Variants in U2SURP observed in about 807,000 individuals in gnomAD.
U2SURP encodes the protein U2 snRNP-associated SURP motif-containing protein.
Under a neutral mutation model 144.9 loss-of-function variants are expected in U2SURP, and 9 were observed. The ratio of observed to expected loss-of-function variants is 0.06; its 90% confidence interval spans 0.04 to 0.11. The LOEUF (loss-of-function observed/expected upper bound fraction) is 0.11, where lower values mean the gene tolerates loss of function less well. Ranked by LOEUF, U2SURP falls within the 10% of genes least tolerant of loss-of-function variation. The pLI is 1.00. For synonymous variants in U2SURP, 408 were observed against 396.8 expected (o/e 1.03, Z -0.33); for missense variants, 724 against 1,226.7 (o/e 0.59, Z 6.12).
chr3:143,004,161 A>C lies in U2SURP; in HGVS notation c.45+2488A>C, dbSNP rs537157732. ...ATTTTACAATACAGATGGAGTGAAC[A>C]GATACTTCTGTTTCATGATTCGTCG... is the stretch of plus-strand genomic sequence containing the variant. On this transcript the variant is annotated intron_variant, in intron 1 of 27. Coordinates refer to ENST00000473835, the MANE Select transcript of U2SURP (RefSeq NM_001080415.2). Among the ~76,000 whole-genome samples, 182 of 152,276 alleles carry C rather than the reference A, an allele frequency of 1.2e-3. 1 individual carries two copies. Among genetic ancestry groups the C allele is most frequent in the African/African-American group, 4.2e-3 (174 of 41,562 alleles).
intron 14 of U2SURP, 104 bp from the exon 15 acceptor site, chr3:143,028,236 T>C: frequency 7.5e-7 from 1 of 1,332,898 alleles, no homozygotes; most frequent in Non-Finnish European, 1.0e-6. Context: ...TTTTGTTTTA[T>C]TTAGAACTAA....
chr3:143,038,042 C>T (rs1375568101), intron 21 of U2SURP, 66 bp from the exon 22 acceptor site: 4 of 1,120,966 alleles, frequency 3.6e-6, no homozygotes, highest in East Asian at 2.6e-5. Context: ...TGGTGAATAC[C>T]CATGAATGTA....
At chr3:143,053,147 A>G (rs1934973332) in intron 25 of U2SURP, among the ~76,000 whole-genome samples, 1 of 152,064 alleles carries the variant, frequency 6.6e-6, no homozygotes, top group Admixed American at 6.6e-5. Context: ...GTTTATAGTT[A>G]GAGGGATCAC....
At chr3:143,044,375 A>G (rs1934301343) in intron 24 of U2SURP, among the ~76,000 whole-genome samples, 1 of 140,986 alleles carries the variant, frequency 7.1e-6, no homozygotes, top group African/African-American at 2.7e-5. Flanking sequence ...TGCAACATCA[A>G]ACCACCAGGC....
At position 143,059,292 on chromosome 3, in the gene U2SURP, A is replaced by C. The variant is rs1935281231; in HGVS notation, c.*2842A>C. ...AAAGATGGCAGAAATTACTCTACAC[A>C]GACCTGATTTTTCTTTATTGCAGAC... On this transcript the variant is annotated 3_prime_UTR_variant, in exon 28 of 28. Coordinates refer to ENST00000473835, the MANE Select transcript of U2SURP (RefSeq NM_001080415.2). The C allele has an allele frequency of 6.6e-6, 1 of 152,340 alleles. No individual in the cohort carries two copies. 9.4% of individuals were successfully genotyped at this position (152,340 alleles called of 1,614,324 possible). A position where few individuals can be genotyped will look rare whatever the true frequency, so the allele number is the denominator to read the frequency against.
At chr3:143,054,726 A>C (rs1935056397) in intron 26 of U2SURP, among the ~76,000 whole-genome samples, 1 of 152,244 alleles carries the variant, frequency 6.6e-6, no homozygotes, top group African/African-American at 2.4e-5. Context: ...GCAAAGAGAA[A>C]ATCCAATTTA....
rs183140031 is a variant in U2SURP, at chr3:143,028,089, G to C, written c.1380-251G>C. Among the ~76,000 whole-genome samples, 41 of 152,216 alleles carry C rather than the reference G, an allele frequency of 2.7e-4. No homozygotes were observed. The East Asian group carries it at 3.9e-3, about 14-fold the overall frequency. The stretch of plus-strand genomic sequence containing the variant: ...ACAGTATCTGCCATGTAAGTGTTCA[G>C]TGAAAACGATCATAAGACTCATGAT... On this transcript the variant is annotated intron_variant, in intron 14 of 27. Transcript: ENST00000473835.
At chr3:143,039,093 T>TTC (rs2108301200) in intron 23 of U2SURP, 133 bp downstream of exon 23, 1 of 536,212 alleles carries the variant, frequency 1.9e-6, no homozygotes, top group Non-Finnish European at 3.1e-6. Context: ...TCATTTTTAG[T>TTC]TCTCCATTGG....
intron 23 of U2SURP, among the ~76,000 whole-genome samples, chr3:143,040,656 AAAG>A (rs1182912244): frequency 6.6e-6 from 1 of 151,926 alleles, no homozygotes; most frequent in Non-Finnish European, 1.5e-5. Flanking sequence ...CTTTTTAAAA[AAAG>A]AAGAGGAAGA....
At chr3:143,002,045 C>T (rs1935561530) in intron 1 of U2SURP, among the ~76,000 whole-genome samples, 1 of 152,190 alleles carries the variant, frequency 6.6e-6, no homozygotes, top group Non-Finnish European at 1.5e-5. Context: ...GAATCGCTTC[C>T]CGGTGCTTAA....
At chr3:143,034,722 G>A (rs1409214682) in intron 18 of U2SURP, 166 bp from the exon 19 acceptor site, 10 of 549,316 alleles carry the variant, frequency 1.8e-5, no homozygotes, top group Non-Finnish European at 3.2e-5. Context: ...AAGAGTTCAA[G>A]CAATTCAGTT....
rs971788839 is a variant in U2SURP, at chr3:143,060,150, T to C, written c.*3700T>C. On this transcript the variant is annotated 3_prime_UTR_variant, in exon 28 of 28. Transcript: ENST00000473835. ...TGTATAATTGGTAATTTGTATAGTTTTGTAGATTGTAGATTAAATGCACTC... is the reference window on the plus strand; with the variant it reads ...TGTATAATTGGTAATTTGTATAGTTCTGTAGATTGTAGATTAAATGCACTC... 1.3e-5 allele frequency: 2 copies of C among 152,420 alleles called. No individual in the cohort carries two copies. Among genetic ancestry groups the C allele is most frequent in the African/African-American group, 2.4e-5 (1 of 41,424 alleles). 9.4% of individuals were successfully genotyped at this position (152,420 alleles called of 1,614,324 possible). A position where few individuals can be genotyped will look rare whatever the true frequency, so the allele number is the denominator to read the frequency against.
Position 143,028,546 on chromosome 3 carries a change from A to G in U2SURP, c.1510A>G (p.Arg504Gly). 6.3e-7 allele frequency: 1 copy of G among 1,591,046 alleles called. No homozygotes were observed. The part of the protein sequence containing the change: ...FRMFKNGSFW[R>G]PPPLNPYLHG... ...TATGTTCAAAAATGGATCTTTTTGG[A>G]GGCCACCACCATTAAATCCGTACTT... Residue 504 changes from arginine to glycine, a missense_variant, in exon 16 of 28, where the codon AGG becomes GGG. Coordinates refer to ENST00000473835, the MANE Select transcript of U2SURP (RefSeq NM_001080415.2).
At chr3:143,036,964 A>G (rs1213538918) in intron 20 of U2SURP, 1 of 513,482 alleles carries the variant, frequency 1.9e-6, no homozygotes, top group Non-Finnish European at 3.4e-6. Flanking sequence ...ATTGCCTCAC[A>G]AGGTACCTGG....
At chr3:143,051,893 ACT>A (rs1363446359) in intron 25 of U2SURP, among the ~76,000 whole-genome samples, 1 of 152,078 alleles carries the variant, frequency 6.6e-6, no homozygotes, top group Non-Finnish European at 1.5e-5. Context: ...TAATATTATT[ACT>A]GTTACTCTTC....
chr3:143,040,909 A>C (rs111747626), intron 23 of U2SURP, among the ~76,000 whole-genome samples: 291 of 151,978 alleles, frequency 1.9e-3, no homozygotes, highest in Non-Finnish European at 3.4e-3. Flanking sequence ...AAATGATGTA[A>C]TATTACTGTA....
Position 143,028,319 on chromosome 3 carries a change from ATGTT to A in U2SURP, c.1380-11_1380-8del, listed in dbSNP as rs536940215. On this transcript the variant is annotated splice_polypyrimidine_tract_variant and intron_variant, in intron 14 of 27. Coordinates refer to ENST00000473835, the MANE Select transcript of U2SURP (RefSeq NM_001080415.2). ...TCTTTGTTAAAGAATATGATGTTTA[ATGTT>A]TGTTTGTTTTGTGTAGGTTCTTATT... 5.6e-5 allele frequency: 90 copies of A among 1,598,696 alleles called. 1 individual carries two copies. In the South Asian group the frequency reaches 7.9e-4, roughly 14 times the overall value.
chr3:143,048,470 G>A (rs1934662465), intron 24 of U2SURP, among the ~76,000 whole-genome samples: 1 of 152,134 alleles, frequency 6.6e-6, no homozygotes, highest in African/African-American at 2.4e-5. Flanking sequence ...TATTTATGTT[G>A]CCCACCCCAC....
chr3:143,054,611 A>T (rs1935051878), intron 26 of U2SURP, among the ~76,000 whole-genome samples: 1 of 152,216 alleles, frequency 6.6e-6, no homozygotes, highest in Admixed American at 6.5e-5. Context: ...ATAATTTGCC[A>T]ACATGATGCC....
Sources: allele counts gnomAD v4.1 joint callset (sites outside exome capture counted in the v4.1 genomes callset), GRCh38; gene constraint gnomAD v4.1.1; transcripts MANE v1.5; gene names NCBI Gene and HGNC (gene_info 2026-07-23, HGNC 2026-07-21).